Variants in ERBIN observed in about 807,000 individuals in gnomAD.
The protein encoded by ERBIN is erbb2 interacting protein.
In ERBIN, 60 loss-of-function variants were observed where a neutral mutation model predicts 158.4. That is an observed-to-expected ratio of 0.38 (90% CI 0.31 to 0.47). The LOEUF is 0.47. Ranked by LOEUF, ERBIN falls within the 20% of genes least tolerant of loss-of-function variation. The pLI, the probability that ERBIN is intolerant of heterozygous loss-of-function variation, is 0.99. For missense variants in ERBIN, 1,610 were observed against 1,648.0 expected, an observed-to-expected ratio of 0.98 and a Z score of 0.40; for synonymous variants, 594 against 557.2, an observed-to-expected ratio of 1.07 and a Z score of -0.93.
rs561832416 is a variant in ERBIN, at chr5:65,949,770, A to G, written c.-58+22964A>G. 2.0e-5 allele frequency among the ~76,000 whole-genome samples: 3 copies of G among 152,248 alleles called. No individual in the cohort carries two copies. In the East Asian group the frequency reaches 5.8e-4, roughly 29 times the overall value. The stretch of plus-strand genomic sequence containing the variant: ...TTGAATTTCATCAAGTTTTCCACAA[A>G]TGTCCTCTTGCTATTTTGGGATCCA... On this transcript the variant is annotated intron_variant, in intron 1 of 25. Coordinates refer to ENST00000284037, the MANE Select transcript of ERBIN (RefSeq NM_001253697.2).
Position 66,011,642 on chromosome 5 carries a change from G to A in ERBIN, c.308-407G>A, listed in dbSNP as rs551800042. 5.3e-4 allele frequency among the ~76,000 whole-genome samples: 80 copies of A among 152,238 alleles called. No individual in the cohort carries two copies. The Middle Eastern group carries it at 0.01, about 19-fold the overall frequency. On this transcript the variant is annotated intron_variant, in intron 4 of 25. Transcript: ENST00000284037. ...GCAGAGGTTGCACTGAGCCTAGTTCGCCCCACTGTACTCCAGCGTGGGCAA... is the reference window on the plus strand; with the variant it reads ...GCAGAGGTTGCACTGAGCCTAGTTCACCCCACTGTACTCCAGCGTGGGCAA...
chr5:65,995,177 A>G (rs1464167405), intron 4 of ERBIN, among the ~76,000 whole-genome samples: 1 of 152,186 alleles, frequency 6.6e-6, no homozygotes, highest in Non-Finnish European at 1.5e-5. Flanking sequence ...TGTTGTTTTT[A>G]CATTTTTAAT....
intron 4 of ERBIN, among the ~76,000 whole-genome samples, chr5:66,005,240 C>T (rs73766313): frequency 0.04 from 6,108 of 152,080 alleles, 415 homozygotes; most frequent in African/African-American, 0.14. Context: ...TATGACGGAT[C>T]GGATGTGGGA....
At chr5:66,073,576 T>C (rs1445449738) in intron 22 of ERBIN, among the ~76,000 whole-genome samples, 2 of 152,202 alleles carry the variant, frequency 1.3e-5, no homozygotes, top group South Asian at 2.1e-4. Flanking sequence ...TGAAATAGAA[T>C]GCCTTTTTTA....
At chr5:65,929,867 C>T (rs1168893769) in intron 1 of ERBIN, among the ~76,000 whole-genome samples, 1 of 151,924 alleles carries the variant, frequency 6.6e-6, no homozygotes, top group Non-Finnish European at 1.5e-5. Flanking sequence ...CTCGAACTCC[C>T]GACCTCAGGT....
At chr5:66,006,175 G>T (rs1190429371) in intron 4 of ERBIN, among the ~76,000 whole-genome samples, 5 of 152,182 alleles carry the variant, frequency 3.3e-5, no homozygotes, top group Non-Finnish European at 7.3e-5. Context: ...AAACAGCATA[G>T]TACTGATACC....
chr5:65,940,488 C>CG (rs1437596258), intron 1 of ERBIN, among the ~76,000 whole-genome samples: 1 of 116,398 alleles, frequency 8.6e-6, no homozygotes, highest in African/African-American at 3.7e-5. Flanking sequence ...CCCCCCCCCC[C>CG]GGCCAGCCGC....
At chr5:65,941,764 G>A (rs955292378) in intron 1 of ERBIN, among the ~76,000 whole-genome samples, 5 of 151,122 alleles carry the variant, frequency 3.3e-5, no homozygotes, top group African/African-American at 1.2e-4. Flanking sequence ...TTTTTGAGAC[G>A]GAGTGTCGTT....
intron 3 of ERBIN, among the ~76,000 whole-genome samples, chr5:65,993,886 A>G (rs1484966034): frequency 2.0e-5 from 3 of 152,216 alleles, no homozygotes; most frequent in Admixed American, 6.5e-5. Flanking sequence ...TTCAAATTTA[A>G]TGGACATCTT....
In ERBIN at chr5:66,050,860, C is replaced by T. The variant is rs775311015; in HGVS notation, c.1981C>T (p.Pro661Ser). 1 of 1,602,526 alleles carries T rather than the reference C, an allele frequency of 6.2e-7. No homozygotes were observed. The highest frequency in any genetic ancestry group is 1.7e-5 in the Admixed American group (1 of 57,916). The change falls in exon 20 of 26, where the codon CCA (proline) becomes TCA (serine). Residue 661 changes from proline to serine, a missense_variant. By Grantham distance (74) the Pro-to-Ser change is moderately conservative. Around this residue, in one of 2 missense-constraint regions of ERBIN, gnomAD observed 1,014 missense variants for 936.1 expected, o/e 1.08. Transcript: ENST00000284037. Reference protein sequence around the residue: ...SNQNNSNCSSPSRMSDSVSLN... With the variant: ...SNQNNSNCSSSSRMSDSVSLN... The stretch of plus-strand genomic sequence containing the variant: ...TCAGAATAACAGCAATTGTTCTTCT[C>T]CATCTCGGATGTCTGATTCAGTTTC...
At chr5:66,000,077 G>A (rs1752866394) in intron 4 of ERBIN, among the ~76,000 whole-genome samples, 1 of 152,050 alleles carries the variant, frequency 6.6e-6, no homozygotes. Context: ...TCATCCTAAA[G>A]GAGTATCTTT....
intron 1 of ERBIN, among the ~76,000 whole-genome samples, chr5:65,955,352 G>A (rs769959044): frequency 3.4e-4 from 51 of 151,970 alleles, no homozygotes; most frequent in Non-Finnish European, 6.5e-4. Flanking sequence ...CTGAGGGGCC[G>A]GGGATGGTGG....
intron 4 of ERBIN, among the ~76,000 whole-genome samples, chr5:65,998,122 G>A (rs1199877394): frequency 4.0e-5 from 6 of 151,836 alleles, no homozygotes; most frequent in Middle Eastern, 3.2e-3. Context: ...AGCTAGTCAG[G>A]AGGCTGAGGC....
Position 66,048,796 on chromosome 5 carries a change from G to A in ERBIN, c.1903+15G>A. The A allele has an allele frequency of 6.8e-7, 1 of 1,459,930 alleles. No homozygotes were observed. Among genetic ancestry groups the A allele is most frequent in the Middle Eastern group, 1.7e-4 (1 of 5,728 alleles). The allele number at this position is 1,459,930 out of a possible 1,614,324, so 90.4% of individuals were successfully genotyped here. A position where few individuals can be genotyped will look rare whatever the true frequency, so the allele number is the denominator to read the frequency against. ...TAACAAAAAAGGTTAGATGTTAAAG[G>A]AAAGTGCTAAGAATAGAAATTGCCT... On this transcript the variant is annotated intron_variant, in intron 19 of 25. Transcript: ENST00000284037.
At position 66,079,350 on chromosome 5, in the gene ERBIN, T is replaced by C. The variant is rs1456272105; in HGVS notation, c.*820T>C. 1 of 152,336 alleles carries C rather than the reference T, an allele frequency of 6.6e-6. No individual in the cohort carries two copies. The highest frequency in any genetic ancestry group is 1.9e-4 in the East Asian group (1 of 5,194). The allele number at this position is 152,336 out of a possible 1,614,324, so 9.4% of individuals were successfully genotyped here. A position where few individuals can be genotyped will look rare whatever the true frequency, so the allele number is the denominator to read the frequency against. On this transcript the variant is annotated 3_prime_UTR_variant, in exon 26 of 26. Transcript: ENST00000284037. ...ACTGTAGATGCATGTCCATGCATTT[T>C]CTGTGTTATGGAAATCCACTGATTT... is the stretch of plus-strand genomic sequence containing the variant.
intron 4 of ERBIN, among the ~76,000 whole-genome samples, chr5:66,006,588 C>T (rs2151089097): frequency 6.6e-6 from 1 of 152,184 alleles, no homozygotes; most frequent in African/African-American, 2.4e-5. Context: ...AAAGAAACCA[C>T]CATCAGAGTG....
intron 4 of ERBIN, among the ~76,000 whole-genome samples, chr5:66,002,339 G>A (rs1025977719): frequency 6.6e-6 from 1 of 152,192 alleles, no homozygotes; most frequent in Admixed American, 6.5e-5. Flanking sequence ...CCAAGCCATT[G>A]CAAATAGCAA....
intron 1 of ERBIN, among the ~76,000 whole-genome samples, chr5:65,945,821 G>C (rs1176796160): frequency 1.3e-5 from 2 of 152,012 alleles, no homozygotes; most frequent in East Asian, 3.9e-4. Flanking sequence ...TTCCCATACA[G>C]TTTTAAGAAC....
At chr5:65,965,342 G>C (rs1423480527) in intron 1 of ERBIN, among the ~76,000 whole-genome samples, 1 of 144,098 alleles carries the variant, frequency 6.9e-6, no homozygotes, top group African/African-American at 2.6e-5. Flanking sequence ...CTTTTCTCCA[G>C]ATCTATGACA....
Sources: gnomAD v4.1 joint callset for allele counts (sites outside exome capture counted in the v4.1 genomes callset) on GRCh38, gnomAD v4.1.1 for gene constraint, gnomAD v4.1.1 regional missense constraint, MANE v1.5 for transcripts, NCBI Gene and HGNC (gene_info 2026-07-23, HGNC 2026-07-21) for gene names.